CSMD1: variants seen among roughly 807,000 people sequenced by gnomAD.
CSMD1 encodes CUB and sushi domain-containing protein 1.
Under a neutral mutation model 417.5 loss-of-function variants are expected in CSMD1, and 213 were observed. That is an observed-to-expected ratio of 0.51 (90% confidence interval 0.46 to 0.57). The LOEUF (loss-of-function observed/expected upper bound fraction) is 0.57, where lower values mean the gene tolerates loss of function less well. Ranked by LOEUF, CSMD1 falls within the 20% of genes least tolerant of loss-of-function variation. The pLI is 0.00. For synonymous variants in CSMD1, 2,862 were observed against 1,736.8 expected (o/e 1.65, Z -16.11); for missense variants, 6,923 against 4,529.7 (o/e 1.53, Z -15.17).
At chr8:4,176,470 G>A (rs1321498308) in intron 3 of CSMD1, among the ~76,000 whole-genome samples, 2 of 151,496 alleles carry the variant, frequency 1.3e-5, no homozygotes, top group Non-Finnish European at 2.9e-5. Context: ...TCTCATCCTG[G>A]CACCTTCTAA....
intron 2 of CSMD1, among the ~76,000 whole-genome samples, chr8:4,617,661 A>T (rs1801547484): frequency 6.6e-6 from 1 of 152,160 alleles, no homozygotes; most frequent in African/African-American, 2.4e-5. Context: ...CTGAAGTCTC[A>T]TTGTTTAGGT....
At chr8:3,336,296 C>G (rs183861619) in intron 23 of CSMD1, among the ~76,000 whole-genome samples, 1 of 152,294 alleles carries the variant, frequency 6.6e-6, no homozygotes, top group Non-Finnish European at 1.5e-5. Context: ...CCCCTGAACC[C>G]TGAGAACTGT....
chr8:4,541,873 G>A (rs1049880506), intron 2 of CSMD1, among the ~76,000 whole-genome samples: 4 of 152,224 alleles, frequency 2.6e-5, no homozygotes, highest in South Asian at 2.1e-4. Context: ...GCCAGGGAAG[G>A]GATGGAGGCT....
chr8:4,512,190 T>A (rs1243957660), intron 2 of CSMD1, among the ~76,000 whole-genome samples: 2 of 152,108 alleles, frequency 1.3e-5, no homozygotes, highest in Non-Finnish European at 2.9e-5. Context: ...AATCACATGA[T>A]CACATCAACA....
At chr8:4,800,919 T>C (rs1798250363) in intron 1 of CSMD1, among the ~76,000 whole-genome samples, 1 of 152,244 alleles carries the variant, frequency 6.6e-6, no homozygotes, top group African/African-American at 2.4e-5. Flanking sequence ...GATTCTGTAA[T>C]ATCGGAAATA....
chr8:4,444,488 A>G (rs1247703164), intron 2 of CSMD1, among the ~76,000 whole-genome samples: 4 of 152,042 alleles, frequency 2.6e-5, no homozygotes, highest in Non-Finnish European at 4.4e-5. Context: ...GTCGCATTCA[A>G]TTAGGATATA....
At chr8:4,060,224 C>T (rs1233171035) in intron 3 of CSMD1, among the ~76,000 whole-genome samples, 1 of 79,672 alleles carries the variant, frequency 1.3e-5, no homozygotes, top group Admixed American at 1.9e-4. Context: ...GCAGAAAAGG[C>T]CTTTGACAAA....
chr8:3,498,336 C>A (rs78769529), intron 10 of CSMD1, among the ~76,000 whole-genome samples: 1 of 152,120 alleles, frequency 6.6e-6, no homozygotes, highest in Non-Finnish European at 1.5e-5. Flanking sequence ...CAAAGTTTAA[C>A]GATCAAATCA....
chr8:4,601,893 C>T (rs1253037221), intron 2 of CSMD1, among the ~76,000 whole-genome samples: 1 of 152,160 alleles, frequency 6.6e-6, no homozygotes, highest in African/African-American at 2.4e-5. Context: ...CAGCCTGGAA[C>T]CGTCTACATA....
intron 5 of CSMD1, among the ~76,000 whole-genome samples, chr8:3,938,163 T>C (rs117277913): frequency 6.6e-6 from 1 of 152,250 alleles, no homozygotes; most frequent in Non-Finnish European, 1.5e-5. Context: ...GGTAATTGTG[T>C]CAATAAAAGT....
At chr8:3,524,222 C>T (rs1420791832) in intron 10 of CSMD1, among the ~76,000 whole-genome samples, 2 of 151,400 alleles carry the variant, frequency 1.3e-5, no homozygotes, top group East Asian at 1.9e-4. Flanking sequence ...AGACAATATG[C>T]ACACACATAC....
At chr8:3,693,013 T>C (rs563633132) in intron 7 of CSMD1, among the ~76,000 whole-genome samples, 16 of 152,344 alleles carry the variant, frequency 1.1e-4, no homozygotes, top group African/African-American at 2.6e-4. Flanking sequence ...TAATATTATA[T>C]TGGTAAACTC....
chr8:4,584,077 A>G (rs1799579840), intron 2 of CSMD1, among the ~76,000 whole-genome samples: 2 of 151,992 alleles, frequency 1.3e-5, no homozygotes. Context: ...CTCCTGAGCC[A>G]GCAAGACCAC....
intron 54 of CSMD1, among the ~76,000 whole-genome samples, chr8:2,986,795 C>T (rs1362841109): frequency 3.3e-5 from 5 of 152,114 alleles, no homozygotes; most frequent in African/African-American, 9.7e-5. Flanking sequence ...TGAGCCACCG[C>T]GCCCGGCTCT....
At chr8:3,888,260 T>C (rs1228031007) in intron 5 of CSMD1, among the ~76,000 whole-genome samples, 3 of 152,162 alleles carry the variant, frequency 2.0e-5, no homozygotes, top group African/African-American at 7.2e-5. Context: ...ATCTGCTAAA[T>C]ACACCCAAAT....
At chr8:4,951,709 G>C (rs1201477534) in intron 1 of CSMD1, among the ~76,000 whole-genome samples, 1 of 151,616 alleles carries the variant, frequency 6.6e-6, no homozygotes, top group Non-Finnish European at 1.5e-5. Flanking sequence ...GGTTCTACCA[G>C]AAGAATCTCC....
intron 5 of CSMD1, among the ~76,000 whole-genome samples, chr8:3,925,691 C>A (rs916993574): frequency 6.6e-6 from 1 of 151,984 alleles, no homozygotes; most frequent in Non-Finnish European, 1.5e-5. Flanking sequence ...TCTCTTGCCA[C>A]CACCACGTAA....
intron 7 of CSMD1, among the ~76,000 whole-genome samples, chr8:3,670,391 T>C (rs1479444637): frequency 1.3e-5 from 2 of 151,594 alleles, no homozygotes; most frequent in Non-Finnish European, 2.9e-5. Flanking sequence ...AGATGGCCTA[T>C]TGTCGGACCT....
chr8:3,380,286 T>A (rs71521852), intron 18 of CSMD1, among the ~76,000 whole-genome samples: 7 of 151,966 alleles, frequency 4.6e-5, no homozygotes, highest in Non-Finnish European at 1.0e-4. Flanking sequence ...TTTACACTGT[T>A]GGTGGGAGTG....
Sources: gnomAD v4.1 joint callset for allele counts (sites outside exome capture counted in the v4.1 genomes callset) on GRCh38, gnomAD v4.1.1 for gene constraint, MANE v1.5 for transcripts, NCBI Gene and HGNC (gene_info 2026-07-23, HGNC 2026-07-21) for gene names.